Variants in ZFHX3 observed in about 807,000 individuals in gnomAD.
ZFHX3 encodes the protein zinc finger homeobox protein 3.
A neutral mutation model predicts 279.1 loss-of-function variants in ZFHX3; 42 were observed. That is an observed-to-expected ratio of 0.15 (90% confidence interval 0.12 to 0.19). ZFHX3 has a LOEUF of 0.19. Among genes scored for constraint, ZFHX3 ranks in the 10% least tolerant of loss-of-function variants. ZFHX3 has a pLI of 1.00. For missense variants in ZFHX3, 4,981 were observed against 4,754.0 expected, an observed-to-expected ratio of 1.05 and a Z score of -1.40; for synonymous variants, 2,293 against 1,957.8, an observed-to-expected ratio of 1.17 and a Z score of -4.52.
intron 1 of ZFHX3, among the ~76,000 whole-genome samples, chr16:73,724,103 G>A (rs1407706168): frequency 6.6e-6 from 1 of 152,182 alleles, no homozygotes; most frequent in East Asian, 1.9e-4. Flanking sequence ...CTTTTGTCTG[G>A]GGAGGGGTGA....
chr16:73,487,298 C>T (rs563432847), intron 2 of ZFHX3: 45 of 321,892 alleles, frequency 1.4e-4, no homozygotes, highest in Non-Finnish European at 2.3e-4. Flanking sequence ...TTGGGTGTGG[C>T]GCTGTAGGGT....
chr16:73,627,961 G>A (rs1193851729), intron 2 of ZFHX3, among the ~76,000 whole-genome samples: 1 of 152,168 alleles, frequency 6.6e-6, no homozygotes, highest in Non-Finnish European at 1.5e-5. Context: ...GAAGTGGCAT[G>A]AGAAGTAGCA....
chr16:73,754,427 C>T (rs2053788582), intron 1 of ZFHX3, among the ~76,000 whole-genome samples: 1 of 152,136 alleles, frequency 6.6e-6, no homozygotes, highest in Admixed American at 6.5e-5. Flanking sequence ...TCAGTGGCCA[C>T]AGACCACTAG....
At chr16:73,577,864 C>A (rs774400114) in intron 2 of ZFHX3, among the ~76,000 whole-genome samples, 1 of 152,130 alleles carries the variant, frequency 6.6e-6, no homozygotes, top group Non-Finnish European at 1.5e-5. Flanking sequence ...ATGGAAGAAA[C>A]GTCATAGTTA....
intron 5 of ZFHX3, among the ~76,000 whole-genome samples, chr16:73,190,618 A>G (rs1968009531): frequency 6.6e-6 from 1 of 152,234 alleles, no homozygotes; most frequent in Non-Finnish European, 1.5e-5. Flanking sequence ...GTGCGTAAGA[A>G]GGGGACCCAG....
chr16:73,696,796 G>A (rs1325048519), intron 1 of ZFHX3, among the ~76,000 whole-genome samples: 2 of 152,064 alleles, frequency 1.3e-5, no homozygotes, highest in Non-Finnish European at 2.9e-5. Flanking sequence ...GCTTGGCTGT[G>A]GCTTTCATAT....
chr16:72,834,766 C>T (rs2037144166), intron 4 of ZFHX3, among the ~76,000 whole-genome samples: 3 of 152,012 alleles, frequency 2.0e-5, no homozygotes, highest in African/African-American at 4.8e-5. Flanking sequence ...TGTATGCACT[C>T]CCCAAACGCA....
chr16:72,912,725 T>C (rs2039349728), intron 3 of ZFHX3, among the ~76,000 whole-genome samples: 1 of 152,068 alleles, frequency 6.6e-6, no homozygotes. Flanking sequence ...ATTTTTATTA[T>C]TATTTTATTA....
At chr16:73,781,269 TTACC>T (rs1466742032) in intron 1 of ZFHX3, among the ~76,000 whole-genome samples, 2 of 152,206 alleles carry the variant, frequency 1.3e-5, no homozygotes, top group Non-Finnish European at 2.9e-5. Context: ...CATCAGAATT[TTACC>T]TGAAGGCCTT....
At chr16:73,288,629 CCCT>C (rs1355990131) in intron 4 of ZFHX3, among the ~76,000 whole-genome samples, 1 of 152,102 alleles carries the variant, frequency 6.6e-6, no homozygotes, top group Admixed American at 6.5e-5. Flanking sequence ...TGTTATCAAG[CCCT>C]CCTATTTGTC....
intron 2 of ZFHX3, among the ~76,000 whole-genome samples, chr16:73,607,295 G>A (rs1332208069): frequency 1.3e-5 from 2 of 152,198 alleles, no homozygotes; most frequent in Non-Finnish European, 2.9e-5. Flanking sequence ...CCAAACTGCT[G>A]GGATTACAGG....
At chr16:73,474,616 C>G (rs1342595420) in intron 2 of ZFHX3, among the ~76,000 whole-genome samples, 1 of 152,176 alleles carries the variant, frequency 6.6e-6, no homozygotes, top group African/African-American at 2.4e-5. Flanking sequence ...CATCAGCCCC[C>G]TGAGTTTTCT....
At chr16:73,634,433 AAT>A (rs60477881) in intron 2 of ZFHX3, among the ~76,000 whole-genome samples, 1,757 of 59,818 alleles carry the variant, frequency 0.029, 43 homozygotes, top group East Asian at 0.11. Context: ...TATTATGTAT[AAT>A]ATATATATAT....
intron 1 of ZFHX3, among the ~76,000 whole-genome samples, chr16:72,982,246 C>A (rs1254043682): frequency 6.6e-6 from 1 of 152,120 alleles, no homozygotes; most frequent in African/African-American, 2.4e-5. Context: ...GAATGGGAAT[C>A]ATATTTTCGA....
chr16:73,834,198 TC>T (rs1961077412), intron 1 of ZFHX3, among the ~76,000 whole-genome samples: 2 of 152,168 alleles, frequency 1.3e-5, no homozygotes, highest in Non-Finnish European at 2.9e-5. Flanking sequence ...TCCCAGGAAA[TC>T]ACTCTCTGGT....
At chr16:73,505,791 T>C (rs2019317046) in intron 2 of ZFHX3, among the ~76,000 whole-genome samples, 1 of 152,230 alleles carries the variant, frequency 6.6e-6, no homozygotes, top group African/African-American at 2.4e-5. Context: ...GCTGTCACTG[T>C]TCCCAGGAAA....
At chr16:73,221,107 G>T (rs577805062) in intron 5 of ZFHX3, among the ~76,000 whole-genome samples, 1 of 152,292 alleles carries the variant, frequency 6.6e-6, no homozygotes, top group South Asian at 2.1e-4. Flanking sequence ...TAACCGTATT[G>T]TTGTAATCAA....
At chr16:73,601,495 C>A (rs1479896133) in intron 2 of ZFHX3, among the ~76,000 whole-genome samples, 7 of 150,764 alleles carry the variant, frequency 4.6e-5, no homozygotes, top group Admixed American at 4.6e-4. Context: ...AATTGTTTGG[C>A]GCTCTATTTT....
At chr16:73,076,543 C>T (rs1020129800) in intron 8 of ZFHX3, among the ~76,000 whole-genome samples, 7 of 152,138 alleles carry the variant, frequency 4.6e-5, no homozygotes, top group African/African-American at 7.2e-5. Context: ...TGGATTCCCT[C>T]GAGCAGAGGG....
Sources: gnomAD v4.1 joint callset for allele counts (sites outside exome capture counted in the v4.1 genomes callset) on GRCh38, gnomAD v4.1.1 for gene constraint, MANE v1.5 for transcripts, NCBI Gene and HGNC (gene_info 2026-07-23, HGNC 2026-07-21) for gene names.